The following TSHZ2 variants were observed in gnomAD, a reference collection of about 807,000 sequenced individuals.
TSHZ2 encodes the protein teashirt homolog 2.
TSHZ2 carries 21 observed loss-of-function variants against 74.4 expected under a neutral mutation model. The ratio of observed to expected loss-of-function variants is 0.28; its 90% CI spans 0.20 to 0.41. The LOEUF is 0.41. Ranked by LOEUF, TSHZ2 falls within the 10% of genes least tolerant of loss-of-function variation. The pLI is 1.00. For missense variants in TSHZ2, 1,244 were observed against 1,293.5 expected (o/e 0.96, Z 0.59); for synonymous variants, 540 against 515.3 (o/e 1.05, Z -0.65).
At chr20:53,441,386 C>T (rs1281737639) in intron 2 of TSHZ2, among the ~76,000 whole-genome samples, 1 of 151,830 alleles carries the variant, frequency 6.6e-6, no homozygotes, top group Non-Finnish European at 1.5e-5. Context: ...CTGCCTCAGC[C>T]TCCCAAGTAG....
At chr20:53,133,035 G>A (rs1987148473) in intron 1 of TSHZ2, among the ~76,000 whole-genome samples, 1 of 152,064 alleles carries the variant, frequency 6.6e-6, no homozygotes, top group Non-Finnish European at 1.5e-5. Flanking sequence ...TACAAAAGCA[G>A]TAATATCTAT....
intron 1 of TSHZ2, among the ~76,000 whole-genome samples, chr20:53,004,011 C>T (rs902801560): frequency 1.3e-5 from 2 of 151,832 alleles, no homozygotes; most frequent in Non-Finnish European, 2.9e-5. Context: ...AGTTCATATT[C>T]GATGCCCTGT....
intron 2 of TSHZ2, among the ~76,000 whole-genome samples, chr20:53,472,347 T>C (rs1038951843): frequency 1.3e-5 from 2 of 151,962 alleles, no homozygotes; most frequent in East Asian, 3.9e-4. Flanking sequence ...GGGTGAGCCA[T>C]TGGATGCGAG....
intron 1 of TSHZ2, among the ~76,000 whole-genome samples, chr20:53,004,618 C>T (rs951209744): frequency 5.9e-5 from 9 of 152,164 alleles, no homozygotes; most frequent in African/African-American, 1.9e-4. Flanking sequence ...GGAAGCCACA[C>T]CATCCTGCTG....
At chr20:53,143,988 G>A (rs546260390) in intron 1 of TSHZ2, among the ~76,000 whole-genome samples, 1 of 152,234 alleles carries the variant, frequency 6.6e-6, no homozygotes, top group Non-Finnish European at 1.5e-5. Flanking sequence ...TGATTGATAA[G>A]TTTGGAAATG....
chr20:53,307,812 T>TAATGTGATC lies in TSHZ2; in HGVS notation c.*8+51242_*8+51250dup, dbSNP rs200123729. The stretch of plus-strand genomic sequence containing the variant: ...GGTTTTAAACCCCCAGAGGTGATTC[T>TAATGTGATC]AATGTGATCTGGGCGGCTCTAAACC... On this transcript the variant is annotated intron_variant, in intron 2 of 2. Coordinates refer to ENST00000371497, the MANE Select transcript of TSHZ2 (RefSeq NM_173485.6). Among the ~76,000 whole-genome samples, 1,440 of 152,280 alleles carry TAATGTGATC rather than the reference T, an allele frequency of 9.5e-3. 20 individuals carry two copies. Among genetic ancestry groups the TAATGTGATC allele is most frequent in the African/African-American group, 0.033 (1,368 of 41,554 alleles).
chr20:53,316,765 G>A (rs1979041532), intron 2 of TSHZ2, among the ~76,000 whole-genome samples: 1 of 152,068 alleles, frequency 6.6e-6, no homozygotes, highest in Admixed American at 6.6e-5. Context: ...GTTGCTACAG[G>A]ACCCGTATCA....
At chr20:53,356,713 T>C (rs1327747011) in intron 2 of TSHZ2, among the ~76,000 whole-genome samples, 1 of 152,110 alleles carries the variant, frequency 6.6e-6, no homozygotes, top group Admixed American at 6.5e-5. Context: ...GATCCATAAG[T>C]CCAAAAGGGT....
intron 1 of TSHZ2, among the ~76,000 whole-genome samples, chr20:53,195,114 C>T (rs1313798255): frequency 6.6e-6 from 1 of 152,160 alleles, no homozygotes; most frequent in Non-Finnish European, 1.5e-5. Context: ...CCAGATCTCC[C>T]CTTCTGGCTG....
intron 1 of TSHZ2, among the ~76,000 whole-genome samples, chr20:53,018,681 G>A (rs1983127081): frequency 6.6e-6 from 1 of 152,154 alleles, no homozygotes; most frequent in African/African-American, 2.4e-5. Context: ...TCCATATGCT[G>A]TGCTTCCCGT....
At chr20:53,420,054 G>T (rs777277719) in intron 2 of TSHZ2, among the ~76,000 whole-genome samples, 2 of 152,262 alleles carry the variant, frequency 1.3e-5, no homozygotes, top group African/African-American at 2.4e-5. Flanking sequence ...TCCACTAAGT[G>T]CCAGGCACTG....
chr20:53,255,490 A>G lies in TSHZ2; in HGVS notation c.2032A>G (p.Asn678Asp). 2 of 1,602,142 alleles carry G rather than the reference A, an allele frequency of 1.2e-6. No homozygotes were observed. The highest frequency in any genetic ancestry group is 1.7e-6 in the Non-Finnish European group (2 of 1,176,650). The change falls in exon 2 of 3, where the codon AAT becomes GAT. Residue 678 changes from asparagine (N) to aspartate (D), a missense_variant. Physicochemically the swap from Asn to Asp is conservative, Grantham distance 23. Transcript: ENST00000371497. The surrounding 1 kb of genome is among the most constrained non-coding windows in gnomAD (Gnocchi z 4.1). ...QPLEPTSALS[N>D]GCALANHAPA... is the part of the protein sequence containing the mutation. The stretch of plus-strand genomic sequence containing the variant: ...CCTGGAGCCCACATCTGCTCTGAGC[A>G]ATGGGTGCGCCCTCGCCAACCACGC...
At chr20:53,216,277 C>G (rs1989432104) in intron 1 of TSHZ2, among the ~76,000 whole-genome samples, 2 of 152,232 alleles carry the variant, frequency 1.3e-5, no homozygotes, top group Non-Finnish European at 2.9e-5. Context: ...CCACACCTCA[C>G]TTCACCAGCC....
chr20:53,154,846 A>T (rs1987755613), intron 1 of TSHZ2, among the ~76,000 whole-genome samples: 1 of 152,208 alleles, frequency 6.6e-6, no homozygotes, highest in Admixed American at 6.5e-5. Flanking sequence ...CCGAATAATC[A>T]GCAACCAAAA....
At chr20:53,326,883 C>T (rs139480635) in intron 2 of TSHZ2, among the ~76,000 whole-genome samples, 1 of 152,310 alleles carries the variant, frequency 6.6e-6, no homozygotes, top group East Asian at 1.9e-4. Flanking sequence ...AGCAGGTCTA[C>T]AATTATGATG....
chr20:53,006,050 G>T (rs896601282), intron 1 of TSHZ2, among the ~76,000 whole-genome samples: 6 of 152,162 alleles, frequency 3.9e-5, no homozygotes, highest in Non-Finnish European at 8.8e-5. Context: ...CACTCAAAAT[G>T]CTTAACTTAT....
chr20:53,443,667 T>C (rs1984429846), intron 2 of TSHZ2, among the ~76,000 whole-genome samples: 1 of 152,228 alleles, frequency 6.6e-6, no homozygotes, highest in Non-Finnish European at 1.5e-5. Context: ...TGTACATCAT[T>C]TCCATGAGGG....
chr20:53,475,095 T>C lies in TSHZ2; in HGVS notation c.*9-12049T>C, dbSNP rs1487614247. 7.2e-5 allele frequency among the ~76,000 whole-genome samples: 10 copies of C among 139,684 alleles called. 1 individual carries two copies. Among genetic ancestry groups the C allele is most frequent in the African/African-American group, 2.8e-4 (10 of 35,880 alleles). 91.6% of individuals were successfully genotyped at this position (139,684 alleles called of 152,430 possible). On this transcript the variant is annotated intron_variant, in intron 2 of 2. Coordinates refer to ENST00000371497, the MANE Select transcript of TSHZ2 (RefSeq NM_173485.6). ...CACCCCACTGTCAACATTAGACAGA[T>C]CAACGAGACAGAAAGTCAGCAAGGA... is the stretch of plus-strand genomic sequence containing the variant.
intron 1 of TSHZ2, among the ~76,000 whole-genome samples, chr20:53,183,594 C>T (rs1490572105): frequency 6.6e-6 from 1 of 152,144 alleles, no homozygotes; most frequent in African/African-American, 2.4e-5. Flanking sequence ...CAACCACACA[C>T]ACACATATAC....
Sources: allele counts gnomAD v4.1 joint callset (sites outside exome capture counted in the v4.1 genomes callset), GRCh38; gene constraint gnomAD v4.1.1; non-coding constraint Gnocchi (gnomAD v3.1); transcripts MANE v1.5; gene names NCBI Gene and HGNC (gene_info 2026-07-23, HGNC 2026-07-21).